Variants in AR observed in about 807,000 individuals in gnomAD.
AR encodes the protein androgen receptor, also known as dihydrotestosterone receptor.
In AR, 8 loss-of-function variants were observed where a neutral mutation model predicts 53.9. The ratio of observed to expected loss-of-function variants is 0.15; its 90% CI spans 0.09 to 0.27. AR has a LOEUF of 0.27. AR is among the 10% of genes least tolerant of loss of function. The pLI is 1.00. For missense variants in AR, 639 were observed against 742.5 expected (o/e 0.86, Z 1.62); for synonymous variants, 359 against 316.4 (o/e 1.13, Z -1.43).
chrX:67,637,259 G>T (rs1275647161), intron 1 of AR, among the ~76,000 whole-genome samples: 1 of 106,133 alleles, frequency 9.4e-6, no homozygotes. Flanking sequence ...CATGTGCCAT[G>T]TTGGTGTGCT....
intron 6 of AR, among the ~76,000 whole-genome samples, chrX:67,722,400 G>A (rs2076139588): frequency 8.9e-6 from 1 of 111,902 alleles, no homozygotes; most frequent in African/African-American, 3.3e-5. Context: ...GATAGGATTT[G>A]TATGGCAGCC....
intron 6 of AR, 129 bp downstream of exon 6, chrX:67,722,092 C>T (rs1429193958): frequency 3.9e-6 from 3 of 777,308 alleles, no homozygotes; most frequent in African/African-American, 4.2e-5. Flanking sequence ...TCCCCCTCCC[C>T]ATCCCCACTC....
At chrX:67,699,978 AT>A (rs781272777) in intron 3 of AR, among the ~76,000 whole-genome samples, 1 of 110,996 alleles carries the variant, frequency 9.0e-6, no homozygotes, top group East Asian at 2.9e-4. Flanking sequence ...CTGATTTGAA[AT>A]TTTTTTCTCT....
chrX:67,614,148 G>A (rs544769167), intron 1 of AR, among the ~76,000 whole-genome samples: 1 of 111,814 alleles, frequency 8.9e-6, no homozygotes, highest in Admixed American at 9.5e-5. Flanking sequence ...GGCAGTGCTG[G>A]GAAATAAATG....
At chrX:67,627,234 T>A (rs1328472451) in intron 1 of AR, among the ~76,000 whole-genome samples, 1 of 111,482 alleles carries the variant, frequency 9.0e-6, no homozygotes, top group Non-Finnish European at 1.9e-5. Flanking sequence ...TGAACTAGTT[T>A]ACAGTCCCAC....
chrX:67,599,975 A>G (rs1923276377), intron 1 of AR, among the ~76,000 whole-genome samples: 1 of 111,772 alleles, frequency 8.9e-6, no homozygotes, highest in East Asian at 2.8e-4. Context: ...GCATATACCA[A>G]CATATTATAT....
chrX:67,688,978 A>G (rs904945219), intron 3 of AR, among the ~76,000 whole-genome samples: 5 of 111,574 alleles, frequency 4.5e-5, no homozygotes, highest in African/African-American at 1.6e-4. Context: ...GAATTCATAT[A>G]ATTTTATCTT....
intron 2 of AR, among the ~76,000 whole-genome samples, chrX:67,669,796 G>T (rs2147474959): frequency 9.1e-6 from 1 of 109,715 alleles, no homozygotes; most frequent in Admixed American, 9.8e-5. Context: ...ATTATATAAT[G>T]ACCTTCTTTT....
chrX:67,630,743 T>C (rs1317068613), intron 1 of AR, among the ~76,000 whole-genome samples: 1 of 111,241 alleles, frequency 9.0e-6, no homozygotes, highest in Non-Finnish European at 1.9e-5. Context: ...CTCGATGGTC[T>C]TTACATTTTG....
At chrX:67,649,219 A>C (rs1003809499) in intron 2 of AR, among the ~76,000 whole-genome samples, 1 of 111,918 alleles carries the variant, frequency 8.9e-6, no homozygotes, top group African/African-American at 3.2e-5. Context: ...CTTTTTTATG[A>C]CTGCATAGTA....
intron 2 of AR, among the ~76,000 whole-genome samples, chrX:67,654,541 A>G (rs1410852097): frequency 1.8e-5 from 2 of 110,477 alleles, no homozygotes; most frequent in African/African-American, 6.6e-5. Context: ...CTTGACTTCC[A>G]GACTTTGGAC....
intron 2 of AR, among the ~76,000 whole-genome samples, chrX:67,662,854 A>T (rs1321518493): frequency 9.0e-6 from 1 of 111,385 alleles, no homozygotes; most frequent in Admixed American, 9.6e-5. Flanking sequence ...CTTCTTGTTG[A>T]ATTGATCCCT....
rs190627301 is a variant in AR at position 67,606,700 on chromosome X, T to C, written c.1617-36556T>C. Among the ~76,000 whole-genome samples, 20 of 112,700 alleles carry C rather than the reference T, an allele frequency of 1.8e-4. No homozygotes were observed. The East Asian group carries it at 5.3e-3, about 30-fold the overall frequency. Reference sequence around the variant, plus strand: ...CTTTTTCTAATATTAGTTTTCTTGATTGAGGCTTGGCAATTATTAGTTTGT... The same window carrying C: ...CTTTTTCTAATATTAGTTTTCTTGACTGAGGCTTGGCAATTATTAGTTTGT... On this transcript the variant is annotated intron_variant, in intron 1 of 7. Transcript: ENST00000374690.
In AR at chrX:67,548,655, A is replaced by G. The variant is rs1251158122; in HGVS notation, c.1616+1893A>G. 3.6e-5 allele frequency among the ~76,000 whole-genome samples: 4 copies of G among 111,468 alleles called. No individual in the cohort carries two copies. The Admixed American group carries it at 3.8e-4, about 11-fold the overall frequency. On this transcript the variant is annotated intron_variant, in intron 1 of 7. Coordinates refer to ENST00000374690, the MANE Select transcript of AR (RefSeq NM_000044.6). ...AAACTGATGGTTCCACATATTTGCT[A>G]AAAAATGTGTGCCTTCAAAGACAAA...
At chrX:67,676,990 A>C (rs1379652857) in intron 2 of AR, among the ~76,000 whole-genome samples, 1 of 110,167 alleles carries the variant, frequency 9.1e-6, no homozygotes, top group Non-Finnish European at 1.9e-5. Context: ...TAGTACTGGC[A>C]GTGGTGGGCA....
intron 1 of AR, among the ~76,000 whole-genome samples, chrX:67,575,178 A>G (rs1248365891): frequency 9.0e-6 from 1 of 111,096 alleles, no homozygotes; most frequent in Non-Finnish European, 1.9e-5. Flanking sequence ...CAGGTTGGGG[A>G]TAGTGAAGTA....
intron 3 of AR, among the ~76,000 whole-genome samples, chrX:67,691,934 G>T (rs749904273): frequency 5.3e-4 from 60 of 112,190 alleles, no homozygotes; most frequent in African/African-American, 1.8e-3. Flanking sequence ...TAAGGATTGT[G>T]CTAAAGAAGT....
At chrX:67,552,328 C>T (rs1447328459) in intron 1 of AR, among the ~76,000 whole-genome samples, 1 of 112,236 alleles carries the variant, frequency 8.9e-6, no homozygotes, top group Non-Finnish European at 1.9e-5. Context: ...TCAAGGTCAT[C>T]CATGTTGAAG....
chrX:67,568,955 A>C (rs1921678375), intron 1 of AR: 1 of 1,208,149 alleles, frequency 8.3e-7, no homozygotes, highest in African/African-American at 1.8e-5. Context: ...ACAGGGAACC[A>C]GGGAAACGAA....
Sources: gnomAD v4.1 joint callset for allele counts (sites outside exome capture counted in the v4.1 genomes callset) on GRCh38, gnomAD v4.1.1 for gene constraint, MANE v1.5 for transcripts, NCBI Gene and HGNC (gene_info 2026-07-23, HGNC 2026-07-21) for gene names.